The following PIK3C2A variants were observed in gnomAD, a reference collection of about 807,000 sequenced individuals.
PIK3C2A encodes phosphatidylinositol 4-phosphate 3-kinase C2 domain-containing subunit alpha.
In PIK3C2A, 97 loss-of-function variants were observed where a neutral mutation model predicts 204.5. That is an observed-to-expected ratio of 0.47 (90% CI 0.40 to 0.56). PIK3C2A has a LOEUF of 0.56. Among genes scored for constraint, PIK3C2A ranks in the 20% least tolerant of loss-of-function variants. The probability of loss-of-function intolerance (pLI) is 0.00; values close to 1 mark genes in which losing one functional copy is unlikely to be tolerated. For missense variants in PIK3C2A, 1,735 were observed against 1,969.2 expected, an observed-to-expected ratio of 0.88 and a Z score of 2.25; for synonymous variants, 653 against 664.4, an observed-to-expected ratio of 0.98 and a Z score of 0.26.
chr11:17,119,777 T>C lies in PIK3C2A; in HGVS notation c.2846+9A>G, dbSNP rs1016279489. ...ATAAAACAAGAGCAAATAAATGTATTTGACTTACTTTGAATCAAGAAGTTC... is the reference window on the plus strand; with the variant it reads ...ATAAAACAAGAGCAAATAAATGTATCTGACTTACTTTGAATCAAGAAGTTC... On this transcript the variant is annotated intron_variant, in intron 16 of 32. Transcript: ENST00000691414. 1.3e-6 allele frequency: 2 copies of C among 1,504,844 alleles called. No individual in the cohort carries two copies. The highest frequency in any genetic ancestry group is 1.8e-6 in the Non-Finnish European group (2 of 1,119,016). 93.2% of individuals were successfully genotyped at this position (1,504,844 alleles called of 1,614,324 possible).
chr11:17,132,335 T>G (rs1413600097), intron 11 of PIK3C2A, among the ~76,000 whole-genome samples: 1 of 144,194 alleles, frequency 6.9e-6, no homozygotes, highest in African/African-American at 2.6e-5. Context: ...TTTTTTTTTT[T>G]TTTTTGAGAC....
At chr11:17,103,609 G>A (rs576344107) in intron 23 of PIK3C2A, among the ~76,000 whole-genome samples, 50 of 152,190 alleles carry the variant, frequency 3.3e-4, no homozygotes, top group African/African-American at 1.2e-3. Context: ...CTCTGTGTAT[G>A]TGTGTATATG....
chr11:17,089,970 G>A, intron 32 of PIK3C2A, 50 bp from the exon 33 acceptor site: 14 of 1,374,118 alleles, frequency 1.0e-5, no homozygotes, highest in Non-Finnish European at 1.4e-5. Context: ...AGTTTGTTTG[G>A]TTTCTTGGAA....
chr11:17,089,596 A>G lies in PIK3C2A; in HGVS notation c.*142T>C, dbSNP rs957885462. 2 of 561,978 alleles carry G rather than the reference A, an allele frequency of 3.6e-6. No homozygotes were observed. The allele number at this position is 561,978 out of a possible 1,614,324, so 34.8% of individuals were successfully genotyped here. The stretch of plus-strand genomic sequence containing the variant: ...ACAGATGTGTTGAAATGCAGCAAGT[A>G]TATTTAACTTTATAAGTTCTGTCCA... On this transcript the variant is annotated 3_prime_UTR_variant, in exon 33 of 33. Coordinates refer to ENST00000691414, the MANE Select transcript of PIK3C2A (RefSeq NM_002645.4).
At chr11:17,201,326 A>C (rs1262799721) in intron 1 of PIK3C2A, among the ~76,000 whole-genome samples, 1 of 152,036 alleles carries the variant, frequency 6.6e-6, no homozygotes, top group Non-Finnish European at 1.5e-5. Flanking sequence ...CAAAAGATTG[A>C]GACCATCCTG....
At chr11:17,129,191 A>C in intron 13 of PIK3C2A, 109 bp downstream of exon 13, 1 of 773,962 alleles carries the variant, frequency 1.3e-6, no homozygotes, top group Non-Finnish European at 2.1e-6. Flanking sequence ...AAAACTGAAG[A>C]GGCTCATTCA....
At chr11:17,111,641 C>A (rs952136206) in intron 21 of PIK3C2A, among the ~76,000 whole-genome samples, 1 of 151,974 alleles carries the variant, frequency 6.6e-6, no homozygotes, top group African/African-American at 2.4e-5. Flanking sequence ...CTTTGGGAGA[C>A]CGAGACGGGC....
rs1258519652 is a variant in PIK3C2A, at chr11:17,119,258, C to T, written c.2902G>A (p.Asp968Asn). The T allele has an allele frequency of 1.9e-6, 3 of 1,607,978 alleles. No individual in the cohort carries two copies. The African/African-American group carries it at 4.0e-5, about 22-fold the overall frequency. The change falls in exon 17 of 33, where the codon GAT becomes AAT. Residue 968 changes from aspartate (D) to asparagine (N), a missense_variant. This residue lies in a region of PIK3C2A where 567 missense variants were observed against 576.0 expected (regional missense o/e 0.98). Transcript: ENST00000691414. Reference protein sequence around the residue: ...LAVTWIEAISDDELTDLLPQF... With the variant: ...LAVTWIEAISNDELTDLLPQF... Reference sequence around the variant, plus strand: ...GGAAGAAGATCTGTTAGCTCATCATCACTAATGGCCTCAATCCAGGTCACA... The same window carrying T: ...GGAAGAAGATCTGTTAGCTCATCATTACTAATGGCCTCAATCCAGGTCACA...
At chr11:17,163,954 C>G (rs1850866517) in intron 2 of PIK3C2A, among the ~76,000 whole-genome samples, 1 of 151,258 alleles carries the variant, frequency 6.6e-6, no homozygotes, top group African/African-American at 2.4e-5. Flanking sequence ...GGCAACTTCC[C>G]AAATTTTAAC....
At chr11:17,092,345 CAT>C in intron 28 of PIK3C2A, 69 bp from the exon 29 acceptor site, 1 of 775,078 alleles carries the variant, frequency 1.3e-6, no homozygotes, top group South Asian at 1.5e-5. Context: ...TACACTTTTT[CAT>C]ATATACTTAA....
At chr11:17,154,012 A>G (rs1396917784) in intron 3 of PIK3C2A, among the ~76,000 whole-genome samples, 2 of 152,360 alleles carry the variant, frequency 1.3e-5, no homozygotes, top group East Asian at 3.9e-4. Context: ...TCTACTAATG[A>G]AAATAAAATT....
At position 17,110,451 on chromosome 11, in the gene PIK3C2A, G is replaced by C. The variant is rs755930054; in HGVS notation, c.3525C>G (p.Leu1175=). Residue 1175 remains leucine, a synonymous_variant, in exon 22 of 33, where the codon CTC becomes CTG. Transcript: ENST00000691414. ...LDLRMVIFKC[L]STGRDRGMVE... is the part of the protein sequence containing the mutation. Reference sequence around the variant, plus strand: ...ACTTACCTCGATCTCTGCCAGTTGAGAGACATTTGAAAATTACCATCCTCA... The same window carrying C: ...ACTTACCTCGATCTCTGCCAGTTGACAGACATTTGAAAATTACCATCCTCA... 3 of 1,611,050 alleles carry C rather than the reference G, an allele frequency of 1.9e-6. No individual in the cohort carries two copies. The South Asian group carries it at 3.3e-5, about 18-fold the overall frequency.
chr11:17,178,025 G>C (rs1029090215), intron 1 of PIK3C2A, among the ~76,000 whole-genome samples: 12 of 140,526 alleles, frequency 8.5e-5, no homozygotes, highest in Non-Finnish European at 1.8e-4. Context: ...CCCTGGAGGT[G>C]TATGTTGCAG....
In PIK3C2A at chr11:17,106,377, G is replaced by A. The variant is rs193193243; in HGVS notation, c.3545-1072C>T. Reference sequence around the variant, plus strand: ...CAGTGAGTCAAGATGACACCACTGCGCTCCAGCCTGGACGACAGCGAGACC... The same window carrying A: ...CAGTGAGTCAAGATGACACCACTGCACTCCAGCCTGGACGACAGCGAGACC... On this transcript the variant is annotated intron_variant, in intron 22 of 32. Transcript: ENST00000691414. 4.6e-3 allele frequency among the ~76,000 whole-genome samples: 705 copies of A among 151,796 alleles called. 10 individuals are homozygous for A. The highest frequency in any genetic ancestry group is 0.016 in the African/African-American group (668 of 41,364).
At position 17,117,671 on chromosome 11, in the gene PIK3C2A, C is replaced by T; in HGVS notation, c.3036G>A (p.Trp1012Ter). The change falls in exon 19 of 33, where the codon TGG (tryptophan) becomes TGA (stop). Residue 1012 changes from tryptophan to a stop codon, truncating the protein, a stop_gained and splice_region_variant. Transcript: ENST00000691414. LOFTEE classifies it high-confidence loss of function. ...GNIQIAHNLYWLLKDALHDVQ... is the reference protein window; with the variant it reads ...GNIQIAHNLY ...CATCATGCAGGGCATCTTTGAGAAG[C>T]CTAATACAGCAAAATATTTATGTTA... The T allele has an allele frequency of 6.6e-7, 1 of 1,507,426 alleles. No homozygotes were observed. The highest frequency in any genetic ancestry group is 9.1e-7 in the Non-Finnish European group (1 of 1,103,306). 93.4% of individuals were successfully genotyped at this position (1,507,426 alleles called of 1,614,324 possible).
intron 13 of PIK3C2A, among the ~76,000 whole-genome samples, chr11:17,125,220 A>C (rs1849484719): frequency 6.6e-6 from 1 of 152,226 alleles, no homozygotes; most frequent in Non-Finnish European, 1.5e-5. Flanking sequence ...ATCACTGCTT[A>C]CATCAATGGT....
At chr11:17,123,660 C>A (rs1849434528) in intron 13 of PIK3C2A, among the ~76,000 whole-genome samples, 1 of 152,114 alleles carries the variant, frequency 6.6e-6, no homozygotes, top group African/African-American at 2.4e-5. Flanking sequence ...ACCATAAAGT[C>A]TCTGCTGCAA....
At chr11:17,166,293 TA>T (rs1272206528) in intron 2 of PIK3C2A, among the ~76,000 whole-genome samples, 4 of 151,972 alleles carry the variant, frequency 2.6e-5, no homozygotes, top group Non-Finnish European at 4.4e-5. Flanking sequence ...AAAATAATAA[TA>T]AATAAAGAGT....
intron 2 of PIK3C2A, among the ~76,000 whole-genome samples, chr11:17,164,783 C>A (rs1850894112): frequency 6.6e-6 from 1 of 152,152 alleles, no homozygotes; most frequent in South Asian, 2.1e-4. Flanking sequence ...GAGCAACTAG[C>A]AGCTCTCTGT....
Sources: allele counts gnomAD v4.1 joint callset (sites outside exome capture counted in the v4.1 genomes callset), GRCh38; gene constraint gnomAD v4.1.1; regional missense constraint gnomAD v4.1.1; transcripts MANE v1.5; gene names NCBI Gene and HGNC (gene_info 2026-07-23, HGNC 2026-07-21).